Variants in PAK1 observed in about 807,000 individuals in gnomAD.
The protein encoded by PAK1 is p21 (RAC1) activated kinase 1, also known as serine/threonine-protein kinase PAK 1.
PAK1 carries 29 observed loss-of-function variants against 67.4 expected under a neutral mutation model. The ratio of observed to expected loss-of-function variants is 0.43; its 90% CI spans 0.32 to 0.59. PAK1 has a LOEUF of 0.59. Ranked by LOEUF, PAK1 falls within the 20% of genes least tolerant of loss-of-function variation. PAK1 has a pLI of 0.07. For synonymous variants in PAK1, 223 were observed against 237.4 expected (o/e 0.94, Z 0.56); for missense variants, 337 against 670.7 (o/e 0.50, Z 5.50).
chr11:77,392,554 A>C lies in PAK1; in HGVS notation c.-21-13T>G. On this transcript the variant is annotated splice_polypyrimidine_tract_variant and intron_variant, in intron 1 of 14. Coordinates refer to ENST00000356341, the MANE Select transcript of PAK1 (RefSeq NM_002576.5). The stretch of plus-strand genomic sequence containing the variant: ...CCAGCAGCAGCTACTAGAATCAGAA[A>C]TAAGAACAATATAACTCTTTTATTA... The C allele has an allele frequency of 6.5e-7, 1 of 1,545,850 alleles. No individual in the cohort carries two copies. The highest frequency in any genetic ancestry group is 8.8e-7 in the Non-Finnish European group (1 of 1,137,610).
chr11:77,330,433 A>G (rs867921131), intron 14 of PAK1, among the ~76,000 whole-genome samples: 2,609 of 152,300 alleles, frequency 0.017, 64 homozygotes, highest in African/African-American at 0.06. Flanking sequence ...GTACCAAAAC[A>G]GAGATATAGA....
chr11:77,504,785 T>C, the PAK1 span, among the ~76,000 whole-genome samples: 4 of 152,368 alleles, frequency 2.6e-5, no homozygotes, highest in South Asian at 2.1e-4. Flanking sequence ...TCATTGCATA[T>C]ACGTGCATTG....
chr11:77,403,520 G>A (rs1953000192), intron 1 of PAK1, among the ~76,000 whole-genome samples: 1 of 152,168 alleles, frequency 6.6e-6, no homozygotes, highest in Non-Finnish European at 1.5e-5. Flanking sequence ...ACAATTCCTA[G>A]ACTTCAATTT....
At chr11:77,513,697 A>T in the PAK1 span, among the ~76,000 whole-genome samples, 1 of 135,974 alleles carries the variant, frequency 7.4e-6, no homozygotes. Context: ...AAAAAAAAAA[A>T]GCATTTCTAC....
At chr11:77,323,528 T>G (rs1433063756) in intron 14 of PAK1, among the ~76,000 whole-genome samples, 168 bp from the exon 15 acceptor site, 1 of 152,192 alleles carries the variant, frequency 6.6e-6, no homozygotes, top group African/African-American at 2.4e-5. Context: ...GAAAACTGTT[T>G]GGCAGCATCT....
intron 9 of PAK1, among the ~76,000 whole-genome samples, chr11:77,344,706 T>C (rs2729756): frequency 0.069 from 10,485 of 152,222 alleles, 822 homozygotes; most frequent in East Asian, 0.25. Context: ...AGCTATTCAA[T>C]AGCAAAATCA....
Position 77,355,781 on chromosome 11 carries a change from G to C in PAK1, c.659C>G (p.Ser220Cys). 6.2e-7 allele frequency: 1 copy of C among 1,613,254 alleles called. No individual in the cohort carries two copies. The highest frequency in any genetic ancestry group is 8.5e-7 in the Non-Finnish European group (1 of 1,179,272). Reference protein sequence around the residue: ...PVTPTRDVATSPISPTENNTT... With the variant: ...PVTPTRDVATCPISPTENNTT... Reference sequence around the variant, plus strand: ...GTTATTTTCAGTAGGTGAAATGGGAGATGTAGCCACGTCCCGAGTTGGAGT... The same window carrying C: ...GTTATTTTCAGTAGGTGAAATGGGACATGTAGCCACGTCCCGAGTTGGAGT... The change falls in exon 7 of 15, where the codon TCT (serine) becomes TGT (cysteine). Residue 220 changes from serine to cysteine, a missense_variant. Ser to Cys is a moderately radical substitution (Grantham distance 112). Around this residue, in one of 8 missense-constraint regions of PAK1, gnomAD observed 150 missense variants for 179.0 expected, o/e 0.84. Coordinates refer to ENST00000356341, the MANE Select transcript of PAK1 (RefSeq NM_002576.5).
chr11:77,394,975 C>T (rs1253121891), intron 1 of PAK1, among the ~76,000 whole-genome samples: 2 of 152,180 alleles, frequency 1.3e-5, no homozygotes, highest in East Asian at 3.8e-4. Flanking sequence ...CCCACCACTA[C>T]CACTCTAATT....
Position 77,473,662 on chromosome 11 carries a change from C to T in PAK1, c.-132G>A, listed in dbSNP as rs1849054306. On this transcript the variant is annotated 5_prime_UTR_variant, in exon 1 of 15. Transcript: ENST00000356341. ...GCGCGAGCTACCGCTTCACTTTCTC[C>T]CTCCTGCCGCCGCCGCCGCGCTGCC... The T allele has an allele frequency of 6.5e-6, 1 of 152,876 alleles. No individual in the cohort carries two copies. The highest frequency in any genetic ancestry group is 1.5e-5 in the Non-Finnish European group (1 of 68,590). The allele number at this position is 152,876 out of a possible 1,614,324, so 9.5% of individuals were successfully genotyped here.
intron 14 of PAK1, among the ~76,000 whole-genome samples, chr11:77,326,940 G>A (rs1940073855): frequency 1.3e-5 from 2 of 152,174 alleles, no homozygotes; most frequent in Admixed American, 6.5e-5. Flanking sequence ...AGTCCTTAAA[G>A]GACCTGATGG....
At chr11:77,333,045 G>A (rs1416144446) in intron 13 of PAK1, among the ~76,000 whole-genome samples, 178 bp from the exon 14 acceptor site, 2 of 151,982 alleles carry the variant, frequency 1.3e-5, no homozygotes, top group Non-Finnish European at 2.9e-5. Context: ...AAAGGCCATG[G>A]GACTATGTAC....
chr11:77,487,477 G>C, the PAK1 span, among the ~76,000 whole-genome samples: 2 of 152,164 alleles, frequency 1.3e-5, no homozygotes, highest in African/African-American at 4.8e-5. Flanking sequence ...AGCCACAGTA[G>C]GGTAGAGCAC....
chr11:77,512,448 T>C, the PAK1 span, among the ~76,000 whole-genome samples: 2 of 152,110 alleles, frequency 1.3e-5, no homozygotes, highest in African/African-American at 4.8e-5. Context: ...CTAATCTTTG[T>C]AGGTGACTCA....
At chr11:77,335,217 G>A (rs996425768) in intron 13 of PAK1, among the ~76,000 whole-genome samples, 2 of 152,162 alleles carry the variant, frequency 1.3e-5, no homozygotes, top group African/African-American at 2.4e-5. Context: ...TTCCCTAGGT[G>A]AGTGATCTCA....
intron 1 of PAK1, among the ~76,000 whole-genome samples, chr11:77,423,292 T>C (rs1565692248): frequency 6.7e-6 from 1 of 149,780 alleles, no homozygotes. Flanking sequence ...CAATTTGATA[T>C]ATTCCCAATA....
rs767758277 is a variant in PAK1, at chr11:77,322,735, G to A, written c.*539C>T. 1.7e-5 allele frequency: 5 copies of A among 285,964 alleles called. No homozygotes were observed. Among genetic ancestry groups the A allele is most frequent in the Admixed American group, 4.7e-5 (1 of 21,328 alleles). The allele number at this position is 285,964 out of a possible 1,614,324, so 17.7% of individuals were successfully genotyped here. A position where few individuals can be genotyped will look rare whatever the true frequency, so the allele number is the denominator to read the frequency against. Reference sequence around the variant, plus strand: ...TTGTTCTCCCATGTCAGGATCAGCTGAGCCAAAGTCATGGTCCAGGAAGCT... The same window carrying A: ...TTGTTCTCCCATGTCAGGATCAGCTAAGCCAAAGTCATGGTCCAGGAAGCT... On this transcript the variant is annotated 3_prime_UTR_variant, in exon 15 of 15. Coordinates refer to ENST00000356341, the MANE Select transcript of PAK1 (RefSeq NM_002576.5).
At chr11:77,362,263 C>T (rs1039910990) in intron 5 of PAK1, among the ~76,000 whole-genome samples, 2 of 152,140 alleles carry the variant, frequency 1.3e-5, no homozygotes, top group Non-Finnish European at 2.9e-5. Flanking sequence ...TTTGTAACTA[C>T]TTTGTAAGTT....
intron 1 of PAK1, among the ~76,000 whole-genome samples, chr11:77,420,489 C>T (rs1020128944): frequency 6.6e-6 from 1 of 152,190 alleles, no homozygotes; most frequent in Non-Finnish European, 1.5e-5. Flanking sequence ...CAGGTGTTTC[C>T]TCCCCCATCC....
intron 4 of PAK1, 102 bp from the exon 5 acceptor site, chr11:77,374,467 GAGAATAGTAAT>G: frequency 2.7e-6 from 2 of 745,910 alleles, no homozygotes; most frequent in South Asian, 3.1e-5. Context: ...GCCAGATTCA[GAGAATAGTAAT>G]AGTATGACTG....
Sources: gnomAD v4.1 joint callset for allele counts (sites outside exome capture counted in the v4.1 genomes callset) on GRCh38, gnomAD v4.1.1 for gene constraint, gnomAD v4.1.1 regional missense constraint, MANE v1.5 for transcripts, NCBI Gene and HGNC (gene_info 2026-07-23, HGNC 2026-07-21) for gene names.